The following CBY2 variants were observed in gnomAD, a reference collection of about 807,000 sequenced individuals.
The protein encoded by CBY2 is protein chibby homolog 2.
CBY2 carries 23 observed loss-of-function variants against 25.3 expected under a neutral mutation model. The ratio of observed to expected loss-of-function variants is 0.91; its 90% CI spans 0.65 to 1.29. CBY2 has a LOEUF of 1.29. CBY2 is among the 50% of genes most tolerant of loss of function. CBY2 has a pLI of 0.00. For synonymous variants in CBY2, 279 were observed against 260.2 expected, an observed-to-expected ratio of 1.07 and a Z score of -0.70; for missense variants, 642 against 590.7, an observed-to-expected ratio of 1.09 and a Z score of -0.90.
Position 45,702,857 on chromosome 13 carries a change from T to TA in CBY2, c.156+3dup, listed in dbSNP as rs1950218558. On this transcript the variant is annotated splice_region_variant and intron_variant, in intron 2 of 2. Coordinates refer to ENST00000310521, the MANE Select transcript of CBY2 (RefSeq NM_152719.3). ...CCAATCAGTGTGGTTCTACCTCAGGTAGGGATAATCACAGAAGGATGTAAC... is the reference window on the plus strand; with the variant it reads ...CCAATCAGTGTGGTTCTACCTCAGGTAAGGGATAATCACAGAAGGATGTAAC... The TA allele has an allele frequency of 6.2e-7, 1 of 1,606,686 alleles. No individual in the cohort carries two copies. The highest frequency in any genetic ancestry group is 1.7e-5 in the Admixed American group (1 of 59,992).
chr13:45,714,037 T>G lies in CBY2; in HGVS notation c.1012T>G (p.Ser338Ala). The change falls in exon 3 of 3, where the codon TCC becomes GCC. Residue 338 changes from serine to alanine, a missense_variant. By Grantham distance (99) the Ser-to-Ala change is moderately conservative. Transcript: ENST00000310521. ...RKMVSNMSGP[S>A]GEEEAKVGPG... ...GATGGTCAGCAACATGTCCGGGCCC[T>G]CCGGGGAGGAGGAGGCCAAGGTGGG... is the stretch of plus-strand genomic sequence containing the variant. 1 of 1,493,240 alleles carries G rather than the reference T, an allele frequency of 6.7e-7. No individual in the cohort carries two copies. The highest frequency in any genetic ancestry group is 2.4e-5 in the East Asian group (1 of 41,100). 92.5% of individuals were successfully genotyped at this position (1,493,240 alleles called of 1,614,324 possible). A position where few individuals can be genotyped will look rare whatever the true frequency, so the allele number is the denominator to read the frequency against.
At chr13:45,706,221 C>G (rs958711877) in intron 2 of CBY2, among the ~76,000 whole-genome samples, 2 of 152,190 alleles carry the variant, frequency 1.3e-5, no homozygotes, top group African/African-American at 4.8e-5. Context: ...CACTTGCCAC[C>G]AGGTTGGTGA....
chr13:45,705,144 T>C (rs1464142855), intron 2 of CBY2, among the ~76,000 whole-genome samples: 1 of 152,184 alleles, frequency 6.6e-6, no homozygotes, highest in Non-Finnish European at 1.5e-5. Flanking sequence ...ATTGATTTCC[T>C]GTTTTTCTTC....
chr13:45,711,695 T>G lies in CBY2; in HGVS notation c.157-1487T>G, dbSNP rs150152132. 1.1e-3 allele frequency among the ~76,000 whole-genome samples: 167 copies of G among 152,304 alleles called. No individual in the cohort carries two copies. In the Middle Eastern group the frequency reaches 0.014, roughly 12 times the overall value. On this transcript the variant is annotated intron_variant, in intron 2 of 2. Coordinates refer to ENST00000310521, the MANE Select transcript of CBY2 (RefSeq NM_152719.3). ...ACTCACAATGGGAGGCTCAGAAATC[T>G]GCATTTAAAACTCACTGGAGTTATT...
chr13:45,714,084 C>A lies in CBY2; in HGVS notation c.1059C>A (p.Cys353Ter). The A allele has an allele frequency of 6.5e-7, 1 of 1,535,536 alleles. No homozygotes were observed. Among genetic ancestry groups the A allele is most frequent in the East Asian group, 2.3e-5 (1 of 42,622 alleles). The change falls in exon 3 of 3, where the codon TGC (cysteine) becomes TGA (stop). Residue 353 changes from cysteine to a stop codon, truncating the protein, a stop_gained. Transcript: ENST00000310521. LOFTEE classifies it high-confidence loss of function. ...TGGGCCCGGGCCTGCCCGACGGCTG[C>A]CAGCCCCTGCAGCTGCTGAGAGAGA... ...AKVGPGLPDGCQPLQLLREMR... is the reference protein window; with the variant it reads ...AKVGPGLPDG
Position 45,704,661 on chromosome 13 carries a change from G to A in CBY2, c.156+1806G>A, listed in dbSNP as rs1043880551. Among the ~76,000 whole-genome samples the A allele has an allele frequency of 2.0e-5, 3 of 152,226 alleles. No individual in the cohort carries two copies. The highest frequency in any genetic ancestry group is 4.8e-5 in the African/African-American group (2 of 41,450). On this transcript the variant is annotated intron_variant, in intron 2 of 2. Transcript: ENST00000310521. The surrounding 1 kb of genome is among the most constrained non-coding windows in gnomAD (Gnocchi z 4.1). ...GGAGAGGAAGAAATATTGACTGAAT[G>A]TTGGTGCGATCATGTGTCGGGCATG...
chr13:45,702,869 C>T lies in CBY2; in HGVS notation c.156+14C>T. ...GTTCTACCTCAGGTAGGGATAATCA[C>T]AGAAGGATGTAACCTATCAGTGTTA... is the stretch of plus-strand genomic sequence containing the variant. On this transcript the variant is annotated intron_variant, in intron 2 of 2. Transcript: ENST00000310521. The T allele has an allele frequency of 1.3e-6, 2 of 1,591,304 alleles. No individual in the cohort carries two copies. The highest frequency in any genetic ancestry group is 4.5e-5 in the East Asian group (2 of 44,744).
In CBY2 at chr13:45,704,680, G is replaced by A. The variant is rs1264992317; in HGVS notation, c.156+1825G>A. ...CTGAATGTTGGTGCGATCATGTGTC[G>A]GGCATGGGGCCAAGCAAGTGTGAGG... On this transcript the variant is annotated intron_variant, in intron 2 of 2. Transcript: ENST00000310521. The surrounding 1 kb of genome is among the most constrained non-coding windows in gnomAD (Gnocchi z 4.1). Among the ~76,000 whole-genome samples, 1 of 152,162 alleles carries A rather than the reference G, an allele frequency of 6.6e-6. No individual in the cohort carries two copies. The highest frequency in any genetic ancestry group is 2.4e-5 in the African/African-American group (1 of 41,438).
At chr13:45,711,785 C>T (rs1010380290) in intron 2 of CBY2, among the ~76,000 whole-genome samples, 8 of 152,238 alleles carry the variant, frequency 5.3e-5, no homozygotes, top group South Asian at 2.1e-4. Flanking sequence ...ATCTGAGCCC[C>T]GTTTTATGCT....
chr13:45,714,464 C>G lies in CBY2; in HGVS notation c.*92C>G. 1 of 1,163,548 alleles carries G rather than the reference C, an allele frequency of 8.6e-7. No individual in the cohort carries two copies. The highest frequency in any genetic ancestry group is 1.2e-6 in the Non-Finnish European group (1 of 833,186). 72.1% of individuals were successfully genotyped at this position (1,163,548 alleles called of 1,614,324 possible). A position where few individuals can be genotyped will look rare whatever the true frequency, so the allele number is the denominator to read the frequency against. ...CCTTCCTTTGTCGTCCTCGCCTTCCCCAGCCAGTTCGTACCTATTGAAAAG... is the reference window on the plus strand; with the variant it reads ...CCTTCCTTTGTCGTCCTCGCCTTCCGCAGCCAGTTCGTACCTATTGAAAAG... On this transcript the variant is annotated 3_prime_UTR_variant, in exon 3 of 3. Coordinates refer to ENST00000310521, the MANE Select transcript of CBY2 (RefSeq NM_152719.3).
At chr13:45,707,298 G>A (rs1349313211) in intron 2 of CBY2, among the ~76,000 whole-genome samples, 2 of 152,084 alleles carry the variant, frequency 1.3e-5, no homozygotes, top group African/African-American at 2.4e-5. Context: ...TGGAATTCAC[G>A]TGAGGAAAAC....
chr13:45,708,883 GGTTTCCT>G (rs1950253966), intron 2 of CBY2, among the ~76,000 whole-genome samples: 1 of 152,172 alleles, frequency 6.6e-6, no homozygotes, highest in Admixed American at 6.5e-5. Flanking sequence ...AGAAGAATTT[GGTTTCCT>G]GTTGAGAAAG....
rs576688034 is a variant in CBY2 at position 45,704,206 on chromosome 13, C to T, written c.156+1351C>T. ...GAATGATGTTTCCATCAACACCCAC[C>T]GCAACTTTCCCTCCCCAGCTCCCAG... On this transcript the variant is annotated intron_variant, in intron 2 of 2. Coordinates refer to ENST00000310521, the MANE Select transcript of CBY2 (RefSeq NM_152719.3). The surrounding 1 kb of genome is among the most constrained non-coding windows in gnomAD (Gnocchi z 4.1). Among the ~76,000 whole-genome samples, 8 of 152,082 alleles carry T rather than the reference C, an allele frequency of 5.3e-5. No homozygotes were observed. The highest frequency in any genetic ancestry group is 1.9e-4 in the East Asian group (1 of 5,158).
intron 2 of CBY2, chr13:45,703,227 A>T: frequency 7.9e-7 from 1 of 1,261,154 alleles, no homozygotes; most frequent in Non-Finnish European, 1.0e-6. Context: ...CTTGAAATCA[A>T]ATGCATAAGA....
chr13:45,714,301 A>G lies in CBY2; in HGVS notation c.1276A>G (p.Met426Val), dbSNP rs775138871. 1.2e-6 allele frequency: 2 copies of G among 1,613,170 alleles called. No homozygotes were observed. The highest frequency in any genetic ancestry group is 1.7e-6 in the Non-Finnish European group (2 of 1,179,860). The change falls in exon 3 of 3, where the codon ATG (methionine) becomes GTG (valine). Residue 426 changes from methionine (M) to valine (V), a missense_variant. Coordinates refer to ENST00000310521, the MANE Select transcript of CBY2 (RefSeq NM_152719.3). ...TVTEVTARMEMLIEELYAFMP... is the reference protein window; with the variant it reads ...TVTEVTARMEVLIEELYAFMP... ...GACCGAGGTCACCGCGCGCATGGAA[A>G]TGCTCATCGAGGAGCTCTACGCCTT...
In CBY2 at chr13:45,713,437, G is replaced by A. The variant is rs1950284991; in HGVS notation, c.412G>A (p.Glu138Lys). 6.2e-7 allele frequency: 1 copy of A among 1,614,212 alleles called. No homozygotes were observed. The highest frequency in any genetic ancestry group is 1.3e-5 in the African/African-American group (1 of 75,064). The change falls in exon 3 of 3, where the codon GAG (glutamate) becomes AAG (lysine). Residue 138 changes from glutamate to lysine, a missense_variant. Coordinates refer to ENST00000310521, the MANE Select transcript of CBY2 (RefSeq NM_152719.3). The surrounding 1 kb of genome is among the most constrained non-coding windows in gnomAD (Gnocchi z 5.0). Reference sequence around the variant, plus strand: ...GTTCCAGGACGGGCGCTGGGTAAATGAGAACTGCCGCCTGCAGTCTCCCTA... The same window carrying A: ...GTTCCAGGACGGGCGCTGGGTAAATAAGAACTGCCGCCTGCAGTCTCCCTA... Reference protein sequence around the residue: ...FVFQDGRWVNENCRLQSPYFS... With the variant: ...FVFQDGRWVNKNCRLQSPYFS...
At position 45,714,463 on chromosome 13, in the gene CBY2, C is replaced by T. The variant is rs1019734869; in HGVS notation, c.*91C>T. On this transcript the variant is annotated 3_prime_UTR_variant, in exon 3 of 3. Transcript: ENST00000310521. ...GCCTTCCTTTGTCGTCCTCGCCTTCCCCAGCCAGTTCGTACCTATTGAAAA... is the reference window on the plus strand; with the variant it reads ...GCCTTCCTTTGTCGTCCTCGCCTTCTCCAGCCAGTTCGTACCTATTGAAAA... The T allele has an allele frequency of 5.1e-6, 6 of 1,177,220 alleles. No homozygotes were observed. The highest frequency in any genetic ancestry group is 3.1e-5 in the South Asian group (2 of 64,268). 72.9% of individuals were successfully genotyped at this position (1,177,220 alleles called of 1,614,324 possible). A position where few individuals can be genotyped will look rare whatever the true frequency, so the allele number is the denominator to read the frequency against.
At position 45,713,637 on chromosome 13, in the gene CBY2, G is replaced by C. The variant is rs1366466555; in HGVS notation, c.612G>C (p.Lys204Asn). Residue 204 changes from lysine to asparagine, a missense_variant, in exon 3 of 3, where the codon AAG becomes AAC. Coordinates refer to ENST00000310521, the MANE Select transcript of CBY2 (RefSeq NM_152719.3). This position sits in a 1 kb window ranked among gnomAD's most constrained non-coding sequence, Gnocchi z 5.0. Reference sequence around the variant, plus strand: ...TACAGGTCTTCTGGGAGGAGCACAAGGCCTCGCTGGGCCGAGAGGAGAGCC... The same window carrying C: ...TACAGGTCTTCTGGGAGGAGCACAACGCCTCGCTGGGCCGAGAGGAGAGCC... The part of the protein sequence containing the change: ...KILQVFWEEH[K>N]ASLGREESRA... 5 of 1,613,554 alleles carry C rather than the reference G, an allele frequency of 3.1e-6. No individual in the cohort carries two copies. The African/African-American group carries it at 4.0e-5, about 13-fold the overall frequency.
At position 45,703,554 on chromosome 13, in the gene CBY2, A is replaced by T. The variant is rs1244439269; in HGVS notation, c.156+699A>T. On this transcript the variant is annotated intron_variant, in intron 2 of 2. Coordinates refer to ENST00000310521, the MANE Select transcript of CBY2 (RefSeq NM_152719.3). ...TGGAAGACCAGGGCCATGCAACCAG[A>T]GGGGTTGAAATGTAGGATGGAGGAA... 19 of 1,550,878 alleles carry T rather than the reference A, an allele frequency of 1.2e-5. No individual in the cohort carries two copies. In the African/African-American group the frequency reaches 2.2e-4, roughly 18 times the overall value.
Sources: gnomAD v4.1 joint callset for allele counts (sites outside exome capture counted in the v4.1 genomes callset) on GRCh38, gnomAD v4.1.1 for gene constraint, Gnocchi (gnomAD v3.1) non-coding constraint, MANE v1.5 for transcripts, NCBI Gene and HGNC (gene_info 2026-07-23, HGNC 2026-07-21) for gene names.